Variants in ADCY2 observed in about 807,000 individuals in gnomAD.
ADCY2 encodes adenylate cyclase 2, also known as adenylate cyclase type 2.
A neutral mutation model predicts 125.2 loss-of-function variants in ADCY2; 31 were observed. That is an observed-to-expected ratio of 0.25 (90% confidence interval 0.19 to 0.33). The LOEUF is 0.33. Among genes scored for constraint, ADCY2 ranks in the 10% least tolerant of loss-of-function variants. The pLI, the probability that ADCY2 is intolerant of heterozygous loss-of-function variation, is 1.00. For missense variants in ADCY2, 904 were observed against 1,418.2 expected (o/e 0.64, Z 5.82); for synonymous variants, 512 against 548.4 (o/e 0.93, Z 0.93).
At chr5:7,796,603 G>T (rs567069715) in intron 20 of ADCY2, 1 of 152,308 alleles carries the variant, frequency 6.6e-6, no homozygotes, top group African/African-American at 2.4e-5. Context: ...CTGGCTGTTT[G>T]TGTCTACACT....
chr5:7,655,541 A>G lies in ADCY2; in HGVS notation c.720+29225A>G, dbSNP rs771899734. On this transcript the variant is annotated intron_variant, in intron 4 of 24. Coordinates refer to ENST00000338316, the MANE Select transcript of ADCY2 (RefSeq NM_020546.3). ...ACAGGGACTAATTCCTCCTTCCTCCACCTTTTGTTCTCTTCTGGCCCTCAG... is the reference window on the plus strand; with the variant it reads ...ACAGGGACTAATTCCTCCTTCCTCCGCCTTTTGTTCTCTTCTGGCCCTCAG... Among the ~76,000 whole-genome samples, 62 of 152,214 alleles carry G rather than the reference A, an allele frequency of 4.1e-4. 1 individual carries two copies. In the Middle Eastern group the frequency reaches 0.01, roughly 25 times the overall value.
chr5:7,818,468 TG>T (rs1745188494), intron 23 of ADCY2, among the ~76,000 whole-genome samples: 1 of 152,030 alleles, frequency 6.6e-6, no homozygotes, highest in Non-Finnish European at 1.5e-5. Context: ...GTGATTCTCC[TG>T]CCTCGGCCTC....
intron 5 of ADCY2, among the ~76,000 whole-genome samples, chr5:7,695,297 T>G (rs2126320376): frequency 6.6e-6 from 1 of 152,308 alleles, no homozygotes; most frequent in South Asian, 2.1e-4. Flanking sequence ...CACTGTCTCG[T>G]TTTCCTCTGT....
At chr5:7,776,687 C>T (rs757604221) in intron 18 of ADCY2, among the ~76,000 whole-genome samples, 8 of 152,126 alleles carry the variant, frequency 5.3e-5, no homozygotes, top group Non-Finnish European at 1.2e-4. Flanking sequence ...GAGAGGAAGA[C>T]CCACCCTCAG....
At chr5:7,578,573 A>C (rs527569545) in intron 3 of ADCY2, among the ~76,000 whole-genome samples, 31 of 152,186 alleles carry the variant, frequency 2.0e-4, no homozygotes, top group Admixed American at 7.2e-4. Context: ...TTTTGCAATA[A>C]ATTTTCTGTT....
Position 7,690,887 on chromosome 5 carries a change from T to G in ADCY2, c.869+48T>G. ...TGGCTGGTCTGGGAGTCTGCCTGAC[T>G]GGAGACATTTTGCCTGGGATCTCAC... On this transcript the variant is annotated intron_variant, in intron 5 of 24. Coordinates refer to ENST00000338316, the MANE Select transcript of ADCY2 (RefSeq NM_020546.3). 2.8e-6 allele frequency: 4 copies of G among 1,452,100 alleles called. No homozygotes were observed. The African/African-American group carries it at 4.3e-5, about 16-fold the overall frequency. 90.0% of individuals were successfully genotyped at this position (1,452,100 alleles called of 1,614,324 possible). A position where few individuals can be genotyped will look rare whatever the true frequency, so the allele number is the denominator to read the frequency against.
At chr5:7,475,164 T>TG (rs1224127959) in intron 2 of ADCY2, among the ~76,000 whole-genome samples, 1 of 152,088 alleles carries the variant, frequency 6.6e-6, no homozygotes, top group Admixed American at 6.5e-5. Context: ...ATAGGTGAAG[T>TG]GCGGAGAGTG....
intron 2 of ADCY2, among the ~76,000 whole-genome samples, chr5:7,434,748 A>G (rs1740731748): frequency 6.6e-6 from 1 of 152,150 alleles, no homozygotes; most frequent in Admixed American, 6.5e-5. Flanking sequence ...AGGAAAAGGG[A>G]CCTAGCCCAT....
chr5:7,814,789 G>A (rs1745057102), intron 22 of ADCY2, among the ~76,000 whole-genome samples: 1 of 152,126 alleles, frequency 6.6e-6, no homozygotes, highest in Non-Finnish European at 1.5e-5. Flanking sequence ...AGGTCAGCAG[G>A]TGGCTCCTCT....
intron 2 of ADCY2, among the ~76,000 whole-genome samples, chr5:7,431,999 C>T (rs1007494793): frequency 1.3e-5 from 2 of 152,042 alleles, no homozygotes; most frequent in African/African-American, 2.4e-5. Context: ...CACCCCTATC[C>T]TGTGCCCCTA....
chr5:7,757,670 C>T (rs1368597982), intron 16 of ADCY2, 84 bp downstream of exon 16: 21 of 1,526,982 alleles, frequency 1.4e-5, no homozygotes, highest in South Asian at 2.6e-5. Context: ...AGACCACAGC[C>T]GTGTTCAACA....
In ADCY2 at chr5:7,783,391, C is replaced by T. The variant is rs142638468; in HGVS notation, c.2385-974C>T. On this transcript the variant is annotated intron_variant, in intron 18 of 24. Transcript: ENST00000338316. ...CACCTTTGACTGATGGGGAAAGTGA[C>T]GTTTGAAGCGGTTTATGCAAGGTCC... Among the ~76,000 whole-genome samples, 15 of 152,180 alleles carry T rather than the reference C, an allele frequency of 9.9e-5. No homozygotes were observed. The East Asian group carries it at 1.5e-3, about 16-fold the overall frequency.
chr5:7,629,008 C>G (rs183501399), intron 4 of ADCY2, among the ~76,000 whole-genome samples: 2 of 152,308 alleles, frequency 1.3e-5, no homozygotes, highest in East Asian at 3.9e-4. Flanking sequence ...CACCCTGCAC[C>G]ACAAACCACC....
At chr5:7,743,225 T>C (rs1742493585) in intron 14 of ADCY2, among the ~76,000 whole-genome samples, 2 of 151,818 alleles carry the variant, frequency 1.3e-5, no homozygotes, top group African/African-American at 4.8e-5. Flanking sequence ...GGGTGAGGAC[T>C]CAATGTCTCC....
chr5:7,550,889 C>T (rs1735308860), intron 3 of ADCY2, among the ~76,000 whole-genome samples: 2 of 152,176 alleles, frequency 1.3e-5, no homozygotes, highest in African/African-American at 4.8e-5. Context: ...ATGGCATTCT[C>T]TCTTGTCTTT....
intron 12 of ADCY2, among the ~76,000 whole-genome samples, chr5:7,722,960 C>CAAAAAAAAAAAAACAAAAAAAAAAAAAA (rs1741807850): frequency 1.9e-5 from 1 of 51,634 alleles, no homozygotes; most frequent in African/African-American, 7.5e-5. Flanking sequence ...AACTCCATCT[C>CAAAAAAAAAAAAACAAAAAAAAAAAAAA]AAAAAAAAAA....
chr5:7,725,189 T>C (rs975038322), intron 13 of ADCY2, among the ~76,000 whole-genome samples: 1 of 152,202 alleles, frequency 6.6e-6, no homozygotes, highest in African/African-American at 2.4e-5. Flanking sequence ...ATTCAGTTAA[T>C]TGTTGCAGAA....
intron 16 of ADCY2, among the ~76,000 whole-genome samples, chr5:7,761,789 T>C (rs1743226059): frequency 6.6e-6 from 1 of 152,200 alleles, no homozygotes; most frequent in South Asian, 2.1e-4. Context: ...GACAGACAGT[T>C]CAGTCACTGT....
At chr5:7,535,224 A>G (rs1299866916) in intron 3 of ADCY2, among the ~76,000 whole-genome samples, 4 of 152,084 alleles carry the variant, frequency 2.6e-5, no homozygotes, top group Admixed American at 6.6e-5. Flanking sequence ...TGTATTATTA[A>G]TAGAGACGGG....
Sources: allele counts gnomAD v4.1 joint callset (sites outside exome capture counted in the v4.1 genomes callset), GRCh38; gene constraint gnomAD v4.1.1; transcripts MANE v1.5; gene names NCBI Gene and HGNC (gene_info 2026-07-23, HGNC 2026-07-21).